SYNPO: variants seen among roughly 807,000 people sequenced by gnomAD.
The protein encoded by SYNPO is synaptopodin.
Under a neutral mutation model 49.5 loss-of-function variants are expected in SYNPO, and 19 were observed. The ratio of observed to expected loss-of-function variants is 0.38; its 90% CI spans 0.27 to 0.56. The LOEUF is 0.56. Among genes scored for constraint, SYNPO ranks in the 20% least tolerant of loss-of-function variants. SYNPO has a pLI of 0.68. For synonymous variants in SYNPO, 536 were observed against 548.0 expected, an observed-to-expected ratio of 0.98 and a Z score of 0.31; for missense variants, 1,131 against 1,248.3, an observed-to-expected ratio of 0.91 and a Z score of 1.42.
chr5:150,625,311 A>T (rs1039826315), intron 2 of SYNPO, among the ~76,000 whole-genome samples: 4 of 150,898 alleles, frequency 2.7e-5, no homozygotes, highest in African/African-American at 1.0e-4. Context: ...TTGACCCAGG[A>T]TAACCCAGGC....
At chr5:150,607,732 G>A (rs185940890) in intron 1 of SYNPO, among the ~76,000 whole-genome samples, 5 of 150,790 alleles carry the variant, frequency 3.3e-5, no homozygotes, top group South Asian at 2.1e-4. Flanking sequence ...AACGTAATGC[G>A]AGCACAGATG....
intron 2 of SYNPO, chr5:150,650,529 C>T: frequency 6.8e-7 from 1 of 1,472,938 alleles, no homozygotes; most frequent in Non-Finnish European, 9.0e-7. Flanking sequence ...CCGCCCCTCC[C>T]CTACTACAAC....
In SYNPO at chr5:150,650,138, G is replaced by A. The variant is rs61741920; in HGVS notation, c.1863G>A (p.Pro621=). The A allele has an allele frequency of 5.7e-3, 9,232 of 1,612,674 alleles. 485 individuals are homozygous for A. The African/African-American group carries it at 0.11, about 19-fold the overall frequency. ...PALPRPSRSS[P]GLYTSPGQDS... ...TGCCTCGGCCCTCGCGCTCCTCACC[G>A]GGCCTCTACACCTCCCCCGGCCAGG... The change falls in exon 2 of 3, where the codon CCG becomes CCA. Residue 621 remains proline (P), a synonymous_variant. Coordinates refer to ENST00000307662, the MANE Select transcript of SYNPO (RefSeq NM_007286.6).
chr5:150,606,291 C>T (rs967215108), intron 1 of SYNPO, among the ~76,000 whole-genome samples: 4 of 152,212 alleles, frequency 2.6e-5, no homozygotes, highest in African/African-American at 9.6e-5. Flanking sequence ...TCCCCTCTGC[C>T]CCAACAACTT....
intron 2 of SYNPO, among the ~76,000 whole-genome samples, chr5:150,633,900 T>C (rs1405372850): frequency 7.2e-5 from 11 of 152,200 alleles, no homozygotes; most frequent in Non-Finnish European, 1.3e-4. Context: ...GGTAGGAGGA[T>C]TGCTTGAGCT....
chr5:150,616,866 T>C (rs1289882347), intron 1 of SYNPO, among the ~76,000 whole-genome samples: 3 of 151,948 alleles, frequency 2.0e-5, no homozygotes, highest in African/African-American at 7.3e-5. Context: ...AAGCCTCCAT[T>C]CCCTCTTGCT....
intron 2 of SYNPO, 37 bp from the exon 3 acceptor site, chr5:150,656,367 A>C: frequency 6.8e-7 from 1 of 1,475,328 alleles, no homozygotes; most frequent in Admixed American, 2.0e-5. Flanking sequence ...AGACCTCAGC[A>C]CTAATGCCTG....
rs373657615 is a variant in SYNPO, at chr5:150,607,672, T to C, written c.-266+6484T>C. Among the ~76,000 whole-genome samples, 6 of 152,244 alleles carry C rather than the reference T, an allele frequency of 3.9e-5. No homozygotes were observed. The South Asian group carries it at 1.0e-3, about 26-fold the overall frequency. ...CGTGGCAGAATGCAGTGCTGGAGTA[T>C]GGCAGTGGAGACCAGCCCTCCTGAC... On this transcript the variant is annotated intron_variant, in intron 1 of 2. Coordinates refer to the SYNPO transcript ENST00000394243.
chr5:150,611,166 C>T (rs1020625977), intron 1 of SYNPO, among the ~76,000 whole-genome samples: 4 of 152,164 alleles, frequency 2.6e-5, no homozygotes, highest in Non-Finnish European at 4.4e-5. Flanking sequence ...ATTTTTCCAT[C>T]GTATTTAACA....
At chr5:150,639,123 G>A (rs73796409), upstream of SYNPO, among the ~76,000 whole-genome samples, 939 of 152,340 alleles carry the variant, frequency 6.2e-3, 15 homozygotes, top group African/African-American at 0.021. Context: ...AGAGGCTGTG[G>A]CTCCTGGCCT....
At chr5:150,611,265 A>C (rs1224725100) in intron 1 of SYNPO, among the ~76,000 whole-genome samples, 3 of 152,126 alleles carry the variant, frequency 2.0e-5, no homozygotes, top group African/African-American at 7.2e-5. Flanking sequence ...TCTTTTGTTC[A>C]CTGTGTACTG....
At chr5:150,643,561 A>G (rs561191205) in intron 1 of SYNPO, among the ~76,000 whole-genome samples, 1 of 152,198 alleles carries the variant, frequency 6.6e-6, no homozygotes, top group Admixed American at 6.5e-5. Context: ...TTGAGATGGA[A>G]TGTCGCTCTG....
chr5:150,603,571 A>G (rs1222197594), intron 1 of SYNPO, among the ~76,000 whole-genome samples: 1 of 152,232 alleles, frequency 6.6e-6, no homozygotes, highest in Non-Finnish European at 1.5e-5. Flanking sequence ...GGGTAGCCTG[A>G]CCCTGCTCTG....
chr5:150,656,958 C>A lies in SYNPO; in HGVS notation c.2583C>A (p.Ser861=). The change falls in exon 3 of 3, where the codon TCC becomes TCA. Residue 861 remains serine (S), a synonymous_variant. Transcript: ENST00000307662. Reference sequence around the variant, plus strand: ...GCTCGCCCACGGACTCCGACGTGTCCCTCGACTCCGAGGACTCCGGGGCTA... The same window carrying A: ...GCTCGCCCACGGACTCCGACGTGTCACTCGACTCCGAGGACTCCGGGGCTA... The part of the protein sequence containing the change: ...YRRSPTDSDV[S]LDSEDSGAKS... The A allele has an allele frequency of 6.3e-7, 1 of 1,588,034 alleles. No homozygotes were observed. Among genetic ancestry groups the A allele is most frequent in the East Asian group, 2.3e-5 (1 of 43,418 alleles).
At chr5:150,641,118 C>T (rs919356156) in intron 1 of SYNPO, among the ~76,000 whole-genome samples, 10 of 152,332 alleles carry the variant, frequency 6.6e-5, no homozygotes, top group African/African-American at 2.2e-4. Context: ...AGTCTGCCGA[C>T]CCCAGTCAGA....
intron 2 of SYNPO, among the ~76,000 whole-genome samples, chr5:150,619,865 G>A (rs1757098205): frequency 6.6e-6 from 1 of 152,216 alleles, no homozygotes; most frequent in Non-Finnish European, 1.5e-5. Flanking sequence ...CTACCAGGCT[G>A]GGGTCACACA....
At chr5:150,652,354 C>A in intron 2 of SYNPO, 3 of 987,734 alleles carry the variant, frequency 3.0e-6, no homozygotes, top group Non-Finnish European at 2.4e-6. Flanking sequence ...TTGCTTCTTT[C>A]TTTCTTCCGT....
At chr5:150,606,060 C>T (rs895778606) in intron 1 of SYNPO, among the ~76,000 whole-genome samples, 5 of 152,186 alleles carry the variant, frequency 3.3e-5, no homozygotes, top group African/African-American at 9.7e-5. Flanking sequence ...CACGCCCAGA[C>T]ACGTACATGT....
At chr5:150,641,609 G>A (rs998552309) in intron 1 of SYNPO, among the ~76,000 whole-genome samples, 1 of 152,210 alleles carries the variant, frequency 6.6e-6, no homozygotes, top group African/African-American at 2.4e-5. Context: ...ACAAGCAGCT[G>A]TCCACAGTGG....
Sources: gnomAD v4.1 joint callset for allele counts (sites outside exome capture counted in the v4.1 genomes callset) on GRCh38, gnomAD v4.1.1 for gene constraint, MANE v1.5 for transcripts, NCBI Gene and HGNC (gene_info 2026-07-23, HGNC 2026-07-21) for gene names.